The following EXO1 variants were observed in gnomAD, a reference collection of about 807,000 sequenced individuals.
The protein encoded by EXO1 is exonuclease 1.
A neutral mutation model predicts 84.5 loss-of-function variants in EXO1; 69 were observed. The observed-to-expected ratio is 0.82, with a 90% CI of 0.67 to 1.00. The LOEUF (loss-of-function observed/expected upper bound fraction) is 1.00, where lower values mean the gene tolerates loss of function less well. Among genes scored for constraint, EXO1 ranks in the 50% least tolerant of loss-of-function variants. The probability of loss-of-function intolerance (pLI) is 0.00; values close to 1 mark genes in which losing one functional copy is unlikely to be tolerated. For missense variants in EXO1, 1,045 were observed against 1,000.7 expected, an observed-to-expected ratio of 1.04 and a Z score of -0.60; for synonymous variants, 373 against 366.1, an observed-to-expected ratio of 1.02 and a Z score of -0.21.
At chr1:241,850,294 AC>A (rs1046672769) in intron 3 of EXO1, 114 bp from the exon 4 acceptor site, 31 of 769,382 alleles carry the variant, frequency 4.0e-5, no homozygotes, top group African/African-American at 8.9e-5. Context: ...AAAAAAAAAA[AC>A]AACAAACCAA....
intron 14 of EXO1, among the ~76,000 whole-genome samples, chr1:241,884,545 A>G (rs4149991): frequency 0.084 from 12,722 of 152,218 alleles, 704 homozygotes; most frequent in East Asian, 0.2. Context: ...ATAAAATTCT[A>G]TTTCCTGTGA....
Position 241,889,463 on chromosome 1 carries a change from A to T in EXO1, c.2406-2A>T. ...CCAAATGTATTTTATTGTATTTTGCAGAGATTCTGAAAAGCTTCCTCCTTG... is the reference window on the plus strand; with the variant it reads ...CCAAATGTATTTTATTGTATTTTGCTGAGATTCTGAAAAGCTTCCTCCTTG... On this transcript the variant is annotated splice_acceptor_variant, in intron 15 of 15. Coordinates refer to ENST00000366548, the MANE Select transcript of EXO1 (RefSeq NM_130398.4). LOFTEE classifies it high-confidence loss of function. 1 of 1,612,622 alleles carries T rather than the reference A, an allele frequency of 6.2e-7. No individual in the cohort carries two copies. The highest frequency in any genetic ancestry group is 1.1e-5 in the South Asian group (1 of 91,054).
intron 10 of EXO1, among the ~76,000 whole-genome samples, chr1:241,866,384 G>C (rs1419255947): frequency 6.6e-6 from 1 of 152,178 alleles, no homozygotes; most frequent in Non-Finnish European, 1.5e-5. Context: ...AAATTGCTGG[G>C]ATTATAGGCG....
chr1:241,860,609 C>G lies in EXO1; in HGVS notation c.849C>G (p.Leu283=). ...NGFIRANNTF[L]YQLVFDPIKR... ...TTATTCGGGCCAACAATACCTTCCT[C>G]TATCAGCTAGTTTTTGATCCCATCA... Residue 283 remains leucine (L), a synonymous_variant, in exon 9 of 16, where the codon CTC becomes CTG. Coordinates refer to ENST00000366548, the MANE Select transcript of EXO1 (RefSeq NM_130398.4). The G allele has an allele frequency of 6.2e-7, 1 of 1,613,874 alleles. No homozygotes were observed. The highest frequency in any genetic ancestry group is 8.5e-7 in the Non-Finnish European group (1 of 1,179,724).
intron 4 of EXO1, among the ~76,000 whole-genome samples, 192 bp downstream of exon 4, chr1:241,850,778 A>G (rs1351879542): frequency 6.6e-6 from 1 of 151,366 alleles, no homozygotes; most frequent in Non-Finnish European, 1.5e-5. Flanking sequence ...TTCTTTCTTT[A>G]TAATAAGCCA....
Position 241,848,522 on chromosome 1 carries a change from G to A in EXO1, c.-420+169G>A, listed in dbSNP as rs1660479296. Among the ~76,000 whole-genome samples, 1 of 152,102 alleles carries A rather than the reference G, an allele frequency of 6.6e-6. No individual in the cohort carries two copies. Among genetic ancestry groups the A allele is most frequent in the Non-Finnish European group, 1.5e-5 (1 of 68,016 alleles). ...GGAGCCCTTAGCCTGAGTGGAGTAT[G>A]TGTTTTGTTCCGAGGGGACGTCTGG... On this transcript the variant is annotated intron_variant, in intron 1 of 15. Transcript: ENST00000366548. The surrounding 1 kb of genome is among the most constrained non-coding windows in gnomAD (Gnocchi z 4.2).
chr1:241,868,374 C>CAAAAAAAAAAAAAAAAAAAAA (rs10591886), intron 11 of EXO1, among the ~76,000 whole-genome samples: 1 of 115,878 alleles, frequency 8.6e-6, no homozygotes, highest in Non-Finnish European at 1.9e-5. Flanking sequence ...GAATCCATCT[C>CAAAAAAAAAAAAAAAAAAAAA]AAAAAAAAAA....
At chr1:241,886,413 A>G (rs1249041679) in intron 15 of EXO1, among the ~76,000 whole-genome samples, 3 of 152,232 alleles carry the variant, frequency 2.0e-5, no homozygotes, top group Non-Finnish European at 2.9e-5. Context: ...TCAATAAAAG[A>G]AATGTGCTGT....
intron 15 of EXO1, among the ~76,000 whole-genome samples, chr1:241,886,364 G>C (rs1053669060): frequency 5.9e-5 from 9 of 152,118 alleles, no homozygotes; most frequent in African/African-American, 2.2e-4. Context: ...CACAAAATTA[G>C]CCACAGAGTA....
At position 241,848,574 on chromosome 1, in the gene EXO1, C is replaced by G. The variant is rs1195588120; in HGVS notation, c.-419-157C>G. Among the ~76,000 whole-genome samples the G allele has an allele frequency of 6.6e-6, 1 of 152,158 alleles. No homozygotes were observed. Among genetic ancestry groups the G allele is most frequent in the Non-Finnish European group, 1.5e-5 (1 of 68,030 alleles). ...AACCAGAGGTCTGCAGTTCAGTGAA[C>G]GGAGGGAGATAAGAGAGCAGACGAT... is the stretch of plus-strand genomic sequence containing the variant. On this transcript the variant is annotated intron_variant, in intron 1 of 15. Transcript: ENST00000366548. This position sits in a 1 kb window ranked among gnomAD's most constrained non-coding sequence, Gnocchi z 4.2.
chr1:241,878,487 C>G (rs1291077800), intron 12 of EXO1, among the ~76,000 whole-genome samples: 2 of 110,118 alleles, frequency 1.8e-5, no homozygotes, highest in Non-Finnish European at 3.7e-5. Context: ...CAGAGAGAGA[C>G]TCTGTCTCAA....
At chr1:241,854,294 C>T (rs4149872) in intron 6 of EXO1, among the ~76,000 whole-genome samples, 3,894 of 152,242 alleles carry the variant, frequency 0.026, 167 homozygotes, top group African/African-American at 0.089. Flanking sequence ...TGTGCCACCA[C>T]GCCCGGCTAC....
At chr1:241,858,380 A>G (rs958327674) in intron 7 of EXO1, 126 bp from the exon 8 acceptor site, 7 of 555,402 alleles carry the variant, frequency 1.3e-5, no homozygotes, top group African/African-American at 5.6e-5. Flanking sequence ...CAGCCTGTCT[A>G]TCTATGTCTC....
chr1:241,850,491 T>C lies in EXO1; in HGVS notation c.66T>C (p.Tyr22=), dbSNP rs1038057835. The change falls in exon 4 of 16, where the codon TAT becomes TAC. Residue 22 remains tyrosine, a synonymous_variant. Coordinates refer to ENST00000366548, the MANE Select transcript of EXO1 (RefSeq NM_130398.4). Reference sequence around the variant, plus strand: ...CAGAACCCATCCATGTGAGGAAGTATAAAGGGCAGGTAGTAGCTGTGGATA... The same window carrying C: ...CAGAACCCATCCATGTGAGGAAGTACAAAGGGCAGGTAGTAGCTGTGGATA... ...EASEPIHVRK[Y]KGQVVAVDTY... 2 of 1,613,836 alleles carry C rather than the reference T, an allele frequency of 1.2e-6. No individual in the cohort carries two copies. Among genetic ancestry groups the C allele is most frequent in the African/African-American group, 2.7e-5 (2 of 74,926 alleles).
intron 10 of EXO1, among the ~76,000 whole-genome samples, chr1:241,863,427 A>AT (rs1558130253): frequency 1.3e-5 from 2 of 151,332 alleles, no homozygotes; most frequent in African/African-American, 4.9e-5. Context: ...AAAAAACAAA[A>AT]AAAGCGTATG....
At chr1:241,859,148 CAA>C (rs1317531474) in intron 8 of EXO1, among the ~76,000 whole-genome samples, 1 of 151,816 alleles carries the variant, frequency 6.6e-6, no homozygotes, top group African/African-American at 2.4e-5. Flanking sequence ...AAAATTAAAA[CAA>C]AAATTTAAAT....
intron 11 of EXO1, among the ~76,000 whole-genome samples, chr1:241,867,644 T>C (rs1273059618): frequency 6.6e-6 from 1 of 152,150 alleles, no homozygotes; most frequent in African/African-American, 2.4e-5. Context: ...TATATATGGC[T>C]GTCCAATTGT....
At chr1:241,864,626 G>C (rs1661602035) in intron 10 of EXO1, among the ~76,000 whole-genome samples, 2 of 152,166 alleles carry the variant, frequency 1.3e-5, no homozygotes, top group African/African-American at 4.8e-5. Flanking sequence ...TAATTCTTGA[G>C]CCTTTCTCCA....
chr1:241,849,841 C>T (rs1660554296), intron 3 of EXO1, among the ~76,000 whole-genome samples: 1 of 152,188 alleles, frequency 6.6e-6, no homozygotes, highest in African/African-American at 2.4e-5. Flanking sequence ...AGTGCAAAAG[C>T]ACTTTGGAAA....
Sources: gnomAD v4.1 joint callset for allele counts (sites outside exome capture counted in the v4.1 genomes callset) on GRCh38, gnomAD v4.1.1 for gene constraint, Gnocchi (gnomAD v3.1) non-coding constraint, MANE v1.5 for transcripts, NCBI Gene and HGNC (gene_info 2026-07-23, HGNC 2026-07-21) for gene names.